Variants in RAVER2 observed in about 807,000 individuals in gnomAD.
The protein encoded by RAVER2 is ribonucleoprotein, PTB binding 2.
Under a neutral mutation model 78.1 loss-of-function variants are expected in RAVER2, and 46 were observed. The ratio of observed to expected loss-of-function variants is 0.59; its 90% confidence interval spans 0.46 to 0.75. The LOEUF is 0.75. Among genes scored for constraint, RAVER2 ranks in the 30% least tolerant of loss-of-function variants. The pLI, the probability that RAVER2 is intolerant of heterozygous loss-of-function variation, is 0.00. For missense variants in RAVER2, 793 were observed against 837.5 expected, an observed-to-expected ratio of 0.95 and a Z score of 0.66; for synonymous variants, 311 against 313.3, an observed-to-expected ratio of 0.99 and a Z score of 0.08.
rs757280688 is a variant in RAVER2 at position 64,812,229 on chromosome 1, G to T, written c.1681-509G>T. Among the ~76,000 whole-genome samples, 83 of 151,910 alleles carry T rather than the reference G, an allele frequency of 5.5e-4. 1 individual carries two copies. Among genetic ancestry groups the T allele is most frequent in the Non-Finnish European group, 2.8e-4 (19 of 67,974 alleles). On this transcript the variant is annotated intron_variant, in intron 9 of 11. Coordinates refer to ENST00000294428, the Ensembl canonical transcript of RAVER2. ...ATAAAAAAATTAGCCAGGCATGGAGGTGCGGGCCTGTAATCCCAGCTACTC... is the reference window on the plus strand; with the variant it reads ...ATAAAAAAATTAGCCAGGCATGGAGTTGCGGGCCTGTAATCCCAGCTACTC...
chr1:64,824,424 T>C (rs1221394056), intron 11 of RAVER2, among the ~76,000 whole-genome samples: 2 of 152,194 alleles, frequency 1.3e-5, no homozygotes, highest in East Asian at 3.9e-4. Flanking sequence ...TGTTATGTAA[T>C]GAATGCTGTG....
chr1:64,801,954 T>C (rs1440134365), intron 5 of RAVER2, among the ~76,000 whole-genome samples: 2 of 152,228 alleles, frequency 1.3e-5, no homozygotes, highest in African/African-American at 2.4e-5. Flanking sequence ...GGTTATTTCT[T>C]TATTATCTTG....
intron 1 of RAVER2, among the ~76,000 whole-genome samples, chr1:64,761,973 C>T (rs1652036450): frequency 6.6e-6 from 1 of 151,684 alleles, no homozygotes; most frequent in Non-Finnish European, 1.5e-5. Context: ...TTAGCTGGGC[C>T]TAGTGGTGGC....
chr1:64,793,977 G>A (rs1557597133), intron 5 of RAVER2, among the ~76,000 whole-genome samples: 1 of 152,018 alleles, frequency 6.6e-6, no homozygotes, highest in Non-Finnish European at 1.5e-5. Flanking sequence ...TCCAGTTCGA[G>A]GTCATTACAA....
chr1:64,753,026 T>A (rs1651741685), intron 1 of RAVER2, among the ~76,000 whole-genome samples: 1 of 152,160 alleles, frequency 6.6e-6, no homozygotes, highest in Admixed American at 6.5e-5. Flanking sequence ...AGCCACTAAA[T>A]CCCTTTTATT....
intron 1 of RAVER2, among the ~76,000 whole-genome samples, chr1:64,756,565 A>G (rs1451353002): frequency 1.3e-5 from 2 of 152,148 alleles, no homozygotes; most frequent in East Asian, 1.9e-4. Flanking sequence ...AAAAGTTGCA[A>G]AGATAACACA....
In RAVER2 at chr1:64,745,609, G is replaced by A. The variant is rs1651507533; in HGVS notation, c.249+188G>A. Among the ~76,000 whole-genome samples, 1 of 152,140 alleles carries A rather than the reference G, an allele frequency of 6.6e-6. No homozygotes were observed. Among genetic ancestry groups the A allele is most frequent in the African/African-American group, 2.4e-5 (1 of 41,456 alleles). ...CTGCAGACGCCCTGCCAGGGAGGGG[G>A]GCAGATTGGGAAACTGAGGCTCTGA... On this transcript the variant is annotated intron_variant, in intron 1 of 11. Coordinates refer to ENST00000294428, the Ensembl canonical transcript of RAVER2. The surrounding 1 kb of genome is among the most constrained non-coding windows in gnomAD (Gnocchi z 4.3).
intron 4 of RAVER2, 121 bp from the exon 5 acceptor site, chr1:64,789,267 A>C (rs1052670196): frequency 3.0e-5 from 25 of 839,516 alleles, no homozygotes; most frequent in Non-Finnish European, 3.9e-5. Flanking sequence ...ATATAAATCA[A>C]ATTATGTTTA....
At chr1:64,765,241 A>C (rs1652143049) in intron 1 of RAVER2, among the ~76,000 whole-genome samples, 1 of 152,178 alleles carries the variant, frequency 6.6e-6, no homozygotes. Context: ...ACACCACAGG[A>C]ATTTCTCTCC....
intron 5 of RAVER2, among the ~76,000 whole-genome samples, chr1:64,796,134 CACTT>C (rs1202018491): frequency 6.6e-6 from 1 of 151,838 alleles, no homozygotes; most frequent in Non-Finnish European, 1.5e-5. Flanking sequence ...GGGTAAACCT[CACTT>C]AGTCATGTTA....
chr1:64,794,402 A>G (rs899947853), intron 5 of RAVER2, among the ~76,000 whole-genome samples: 1 of 150,912 alleles, frequency 6.6e-6, no homozygotes, highest in Non-Finnish European at 1.5e-5. Context: ...CGTCTCAAAA[A>G]AAAAAAAAAA....
chr1:64,753,711 A>G (rs1161918576), intron 1 of RAVER2, among the ~76,000 whole-genome samples: 1 of 151,812 alleles, frequency 6.6e-6, no homozygotes, highest in Non-Finnish European at 1.5e-5. Context: ...TTTAGTAGAG[A>G]CAGGGTTTCA....
At chr1:64,772,883 T>C (rs536493432) in intron 2 of RAVER2, among the ~76,000 whole-genome samples, 7 of 152,334 alleles carry the variant, frequency 4.6e-5, no homozygotes, top group Non-Finnish European at 7.4e-5. Flanking sequence ...TGATTACCAA[T>C]CTGGCACTTG....
chr1:64,784,408 T>G (rs1652722071), intron 4 of RAVER2, among the ~76,000 whole-genome samples: 1 of 151,918 alleles, frequency 6.6e-6, no homozygotes, highest in African/African-American at 2.4e-5. Context: ...AAAACAAAGC[T>G]CTCTACTACC....
At chr1:64,773,047 G>A (rs1652363303) in intron 2 of RAVER2, among the ~76,000 whole-genome samples, 1 of 152,128 alleles carries the variant, frequency 6.6e-6, no homozygotes, top group Non-Finnish European at 1.5e-5. Context: ...ATGGATTCAA[G>A]ACCTATTAGA....
chr1:64,777,171 T>C (rs1652487608), intron 2 of RAVER2, among the ~76,000 whole-genome samples: 1 of 152,174 alleles, frequency 6.6e-6, no homozygotes, highest in African/African-American at 2.4e-5. Context: ...TGCTGTCAAA[T>C]AGGCTCTTTT....
chr1:64,833,149 T>G (rs1436382668), exon 12 of RAVER2: 1 of 178,320 alleles, frequency 5.6e-6, no homozygotes, highest in African/African-American at 2.4e-5. Context: ...CCCCCAAAAC[T>G]ATACTGTTAT....
chr1:64,745,098 G>C lies in RAVER2; in HGVS notation c.-75G>C. On this transcript the variant is annotated 5_prime_UTR_variant, in exon 1 of 12. Transcript: ENST00000294428. This position sits in a 1 kb window ranked among gnomAD's most constrained non-coding sequence, Gnocchi z 4.3. ...GCCTCTGCCCGCCTCGCCCTCGCCC[G>C]GGCCTCCTCCCGCTTTCTCTCTCCG... The C allele has an allele frequency of 9.9e-7, 1 of 1,005,662 alleles. No individual in the cohort carries two copies. The highest frequency in any genetic ancestry group is 1.7e-5 in the African/African-American group (1 of 57,522). 62.3% of individuals were successfully genotyped at this position (1,005,662 alleles called of 1,614,324 possible).
chr1:64,764,758 C>A (rs769237530), intron 1 of RAVER2, among the ~76,000 whole-genome samples: 2 of 152,164 alleles, frequency 1.3e-5, no homozygotes, highest in African/African-American at 2.4e-5. Context: ...GCTGGAAACT[C>A]AGGCAGCTGT....
Sources: allele counts gnomAD v4.1 joint callset (sites outside exome capture counted in the v4.1 genomes callset), GRCh38; gene constraint gnomAD v4.1.1; non-coding constraint Gnocchi (gnomAD v3.1); transcripts MANE v1.5; gene names NCBI Gene and HGNC (gene_info 2026-07-23, HGNC 2026-07-21).